BLACAT1: variants seen among roughly 807,000 people sequenced by gnomAD.
BLACAT1 encodes the protein BLACAT1 overlapping LEMD1 locus.
rs559786798 is a variant in BLACAT1, at chr1:205,442,353, C to T, written c.-36-1291G>A. On this transcript the variant is annotated intron_variant, in intron 1 of 1. Coordinates refer to ENST00000629624, the Ensembl canonical transcript of BLACAT1. ...ATTGCATAGGATGTCCTGGGTTACC[C>T]CAGCAAGGCACATGTGCAAAGTGGT... 9.8e-4 allele frequency among the ~76,000 whole-genome samples: 150 copies of T among 152,340 alleles called. 1 individual carries two copies. Among genetic ancestry groups the T allele is most frequent in the African/African-American group, 3.5e-3 (146 of 41,580 alleles).
At chr1:205,440,590 G>A (rs989281321) in exon 2 of BLACAT1, 2 of 152,278 alleles carry the variant, frequency 1.3e-5, no homozygotes, top group African/African-American at 4.8e-5. Flanking sequence ...AGAGTCCCCC[G>A]AAGCTCTCAG....
intron 1 of BLACAT1, among the ~76,000 whole-genome samples, chr1:205,452,398 A>C (rs1175902637): frequency 6.6e-6 from 1 of 152,216 alleles, no homozygotes; most frequent in Non-Finnish European, 1.5e-5. Flanking sequence ...AGAAAGTCAC[A>C]GAGGGAAGGG....
chr1:205,443,558 G>A (rs947253096), intron 1 of BLACAT1, among the ~76,000 whole-genome samples: 5 of 152,168 alleles, frequency 3.3e-5, no homozygotes, highest in Admixed American at 6.5e-5. Flanking sequence ...CTCCCGAGAG[G>A]TGTTCGAGGG....
At chr1:205,440,398 G>C (rs1422928561) in exon 2 of BLACAT1, among the ~76,000 whole-genome samples, 1 of 152,232 alleles carries the variant, frequency 6.6e-6, no homozygotes, top group African/African-American at 2.4e-5. Flanking sequence ...GATGCTGGCA[G>C]GGGGCTGGAA....
rs995960684 is a variant in BLACAT1, at chr1:205,450,904, C to G, written c.-37+5013G>C. Among the ~76,000 whole-genome samples, 2 of 152,212 alleles carry G rather than the reference C, an allele frequency of 1.3e-5. No homozygotes were observed. The highest frequency in any genetic ancestry group is 3.8e-4 in the East Asian group (2 of 5,202). ...TCCTTTCCCGAGGAAAACCCTGCTT[C>G]CTCCAATCCCGAGAACCTGGGCAGT... On this transcript the variant is annotated intron_variant, in intron 1 of 1. Transcript: ENST00000629624. The surrounding 1 kb of genome is among the most constrained non-coding windows in gnomAD (Gnocchi z 4.4).
chr1:205,435,786 C>G (rs951997770), downstream of BLACAT1: 5 of 152,166 alleles, frequency 3.3e-5, no homozygotes, highest in Non-Finnish European at 7.3e-5. Context: ...GAGTTTTGAT[C>G]TAGAAAACAT....
rs528881853 is a variant in BLACAT1, at chr1:205,450,088, C to G, written c.-37+5829G>C. ...ACTCACTTGTGACCGGCCCCTCCCC[C>G]AGCCCTGAGGACGGTGGGGGTGGGG... On this transcript the variant is annotated intron_variant, in intron 1 of 1. Transcript: ENST00000629624. The surrounding 1 kb of genome is among the most constrained non-coding windows in gnomAD (Gnocchi z 4.4). 3.9e-5 allele frequency among the ~76,000 whole-genome samples: 6 copies of G among 152,168 alleles called. No homozygotes were observed. The highest frequency in any genetic ancestry group is 1.2e-4 in the African/African-American group (5 of 41,528).
chr1:205,441,121 A>G lies in BLACAT1; in HGVS notation c.-36-59T>C, dbSNP rs1310681468. 2 of 152,574 alleles carry G rather than the reference A, an allele frequency of 1.3e-5. No individual in the cohort carries two copies. The highest frequency in any genetic ancestry group is 2.9e-5 in the Non-Finnish European group (2 of 68,252). 9.5% of individuals were successfully genotyped at this position (152,574 alleles called of 1,614,324 possible). A position where few individuals can be genotyped will look rare whatever the true frequency, so the allele number is the denominator to read the frequency against. ...GGAGAAAGGCAGGAAGAGAGAAGCA[A>G]GCTGGGGTTAATGCTCCCAGAACCC... On this transcript the variant is annotated intron_variant, in intron 1 of 1. Coordinates refer to ENST00000629624, the Ensembl canonical transcript of BLACAT1. This position sits in a 1 kb window ranked among gnomAD's most constrained non-coding sequence, Gnocchi z 4.3.
intron 1 of BLACAT1, among the ~76,000 whole-genome samples, chr1:205,442,162 C>T (rs887590093): frequency 6.6e-6 from 1 of 152,096 alleles, no homozygotes; most frequent in African/African-American, 2.4e-5. Flanking sequence ...GAGGTCAGGC[C>T]GGGGCCTGGT....
downstream of BLACAT1, among the ~76,000 whole-genome samples, chr1:205,439,575 T>C (rs940668356): frequency 5.3e-5 from 8 of 152,190 alleles, no homozygotes; most frequent in African/African-American, 1.9e-4. Flanking sequence ...GAGGCCCACA[T>C]TCCAAGGAAA....
At chr1:205,440,876 A>G (rs898045840) in exon 2 of BLACAT1, 3 of 152,328 alleles carry the variant, frequency 2.0e-5, no homozygotes, top group African/African-American at 7.2e-5. Flanking sequence ...AGCAGGCACC[A>G]TCAGGCCTGG....
At position 205,449,372 on chromosome 1, in the gene BLACAT1, G is replaced by A. The variant is rs549278533; in HGVS notation, c.-37+6545C>T. ...GCCCAGGCTCAGGAAAGCCCCAGGG[G>A]CCTCAGACCTCTCCCAGGGGCCCCC... On this transcript the variant is annotated intron_variant, in intron 1 of 1. Transcript: ENST00000629624. Among the ~76,000 whole-genome samples the A allele has an allele frequency of 1.2e-4, 19 of 152,200 alleles. 1 individual carries two copies. The South Asian group carries it at 3.9e-3, about 32-fold the overall frequency.
downstream of BLACAT1, chr1:205,437,669 A>G (rs1007701309): frequency 2.6e-5 from 4 of 152,228 alleles, no homozygotes; most frequent in Non-Finnish European, 4.4e-5. Context: ...CCACAACCCT[A>G]TGCCCCACTG....
chr1:205,441,811 A>T lies in BLACAT1; in HGVS notation c.-36-749T>A, dbSNP rs988997373. Among the ~76,000 whole-genome samples, 1 of 152,194 alleles carries T rather than the reference A, an allele frequency of 6.6e-6. No individual in the cohort carries two copies. The highest frequency in any genetic ancestry group is 1.5e-5 in the Non-Finnish European group (1 of 68,044). ...AAAGACATGGTTTCTTCCCTGGCAC[A>T]TAAGTCTGAGGTAGAGGCTGAGGCT... On this transcript the variant is annotated intron_variant, in intron 1 of 1. Coordinates refer to ENST00000629624, the Ensembl canonical transcript of BLACAT1. The surrounding 1 kb of genome is among the most constrained non-coding windows in gnomAD (Gnocchi z 4.3).
At chr1:205,443,040 G>A (rs969119864) in intron 1 of BLACAT1, among the ~76,000 whole-genome samples, 3 of 152,172 alleles carry the variant, frequency 2.0e-5, no homozygotes, top group Admixed American at 6.5e-5. Context: ...AACTTGATCC[G>A]GAAGGAGGGA....
At chr1:205,445,384 C>T (rs1666370839) in intron 1 of BLACAT1, among the ~76,000 whole-genome samples, 1 of 152,226 alleles carries the variant, frequency 6.6e-6, no homozygotes, top group Non-Finnish European at 1.5e-5. Flanking sequence ...TGGGCACAGA[C>T]CTCCAGTCTG....
downstream of BLACAT1, among the ~76,000 whole-genome samples, chr1:205,439,074 G>T (rs1284110587): frequency 6.6e-6 from 1 of 152,140 alleles, no homozygotes; most frequent in Admixed American, 6.5e-5. Flanking sequence ...TTGCAGCCTC[G>T]CAGGTGACCG....
rs990095940 is a variant in BLACAT1, at chr1:205,450,066, C to T, written c.-37+5851G>A. On this transcript the variant is annotated intron_variant, in intron 1 of 1. Coordinates refer to ENST00000629624, the Ensembl canonical transcript of BLACAT1. This position sits in a 1 kb window ranked among gnomAD's most constrained non-coding sequence, Gnocchi z 4.4. ...GAGCTGTACCCAACTCAACTTGACT[C>T]ACTTGTGACCGGCCCCTCCCCCAGC... The T allele has an allele frequency of 6.6e-6, 1 of 152,120 alleles. No homozygotes were observed. Among genetic ancestry groups the T allele is most frequent in the Non-Finnish European group, 1.5e-5 (1 of 68,096 alleles). The allele number at this position is 152,120 out of a possible 1,614,324, so 9.4% of individuals were successfully genotyped here.
At chr1:205,437,673 C>G (rs1056073817), downstream of BLACAT1, 1 of 152,240 alleles carries the variant, frequency 6.6e-6, no homozygotes, top group African/African-American at 2.4e-5. Context: ...AACCCTATGC[C>G]CCACTGAGGC....
Sources: gnomAD v4.1 joint callset for allele counts (sites outside exome capture counted in the v4.1 genomes callset) on GRCh38, gnomAD v4.1.1 for gene constraint, Gnocchi (gnomAD v3.1) non-coding constraint, MANE v1.5 for transcripts, NCBI Gene and HGNC (gene_info 2026-07-23, HGNC 2026-07-21) for gene names.